The following LRRTM4 variants were observed in gnomAD, a reference collection of about 807,000 sequenced individuals.
The protein encoded by LRRTM4 is leucine rich repeat transmembrane neuronal 4.
Under a neutral mutation model 47.6 loss-of-function variants are expected in LRRTM4, and 25 were observed. The observed-to-expected ratio is 0.53, with a 90% confidence interval of 0.38 to 0.73. The LOEUF is 0.73. LRRTM4 is among the 30% of genes least tolerant of loss of function. The pLI, the probability that LRRTM4 is intolerant of heterozygous loss-of-function variation, is 0.00. For missense variants in LRRTM4, 638 were observed against 713.4 expected (o/e 0.89, Z 1.20); for synonymous variants, 311 against 269.5 (o/e 1.15, Z -1.51).
At chr2:77,180,622 T>C (rs1421637731) in intron 3 of LRRTM4, among the ~76,000 whole-genome samples, 1 of 152,188 alleles carries the variant, frequency 6.6e-6, no homozygotes, top group Admixed American at 6.6e-5. Context: ...TTAGAGAGTT[T>C]GTGTAAAATC....
At chr2:77,166,788 C>T (rs990987688) in intron 3 of LRRTM4, among the ~76,000 whole-genome samples, 1 of 152,076 alleles carries the variant, frequency 6.6e-6, no homozygotes, top group Non-Finnish European at 1.5e-5. Flanking sequence ...TTCCTTACAC[C>T]TTATACAAAA....
At chr2:76,790,669 A>G (rs1674923873) in intron 3 of LRRTM4, among the ~76,000 whole-genome samples, 1 of 152,134 alleles carries the variant, frequency 6.6e-6, no homozygotes, top group African/African-American at 2.4e-5. Flanking sequence ...TTTGGGGAAC[A>G]GTATCTTGTA....
intron 3 of LRRTM4, chr2:77,518,000 A>T: frequency 9.4e-7 from 1 of 1,066,544 alleles, no homozygotes; most frequent in Non-Finnish European, 1.1e-6. Context: ...TTCAGAATGA[A>T]AAGAGTTTTG....
chr2:77,144,496 G>T (rs72911869), intron 3 of LRRTM4, among the ~76,000 whole-genome samples: 1 of 151,942 alleles, frequency 6.6e-6, no homozygotes, highest in African/African-American at 2.4e-5. Flanking sequence ...GGAAACAGAA[G>T]CAGCTATGAA....
chr2:77,060,354 G>T (rs530647587), intron 3 of LRRTM4, among the ~76,000 whole-genome samples: 1 of 152,006 alleles, frequency 6.6e-6, no homozygotes, highest in East Asian at 1.9e-4. Context: ...AGATGCTATT[G>T]GCTTTATTGA....
intron 3 of LRRTM4, among the ~76,000 whole-genome samples, chr2:77,193,203 T>C (rs1239463621): frequency 1.3e-5 from 2 of 152,220 alleles, no homozygotes; most frequent in Non-Finnish European, 1.5e-5. Context: ...ATAGGAGCAA[T>C]AGGCTAGACC....
intron 3 of LRRTM4, among the ~76,000 whole-genome samples, chr2:76,944,149 A>T (rs58857453): frequency 0.053 from 8,000 of 152,072 alleles, 480 homozygotes; most frequent in East Asian, 0.14. Context: ...TATTCTGGAT[A>T]TTCGAGTCAC....
intron 3 of LRRTM4, among the ~76,000 whole-genome samples, chr2:76,967,117 C>T (rs62170355): frequency 0.012 from 1,741 of 150,058 alleles, 16 homozygotes; most frequent in Middle Eastern, 0.032. Flanking sequence ...CCTGTTATGC[C>T]TTATTATGTT....
chr2:77,005,440 G>T (rs1677606640), intron 3 of LRRTM4, among the ~76,000 whole-genome samples: 7 of 152,148 alleles, frequency 4.6e-5, no homozygotes, highest in Admixed American at 3.9e-4. Context: ...ACCGTGCCTG[G>T]CTGATTGTGT....
chr2:76,977,810 T>C (rs1676468660), intron 3 of LRRTM4, among the ~76,000 whole-genome samples: 1 of 152,018 alleles, frequency 6.6e-6, no homozygotes, highest in African/African-American at 2.4e-5. Flanking sequence ...TTCGTTGTCG[T>C]TGTTGTTCAA....
At chr2:77,508,825 ATTC>A (rs1416955811) in intron 3 of LRRTM4, among the ~76,000 whole-genome samples, 1 of 152,162 alleles carries the variant, frequency 6.6e-6, no homozygotes, top group Non-Finnish European at 1.5e-5. Context: ...AGCAATATCA[ATTC>A]TTCTTTAAAT....
rs78022410 is a variant in LRRTM4, at chr2:76,949,034, C to T, written c.1552-200118G>A. On this transcript the variant is annotated intron_variant, in intron 3 of 3. Coordinates refer to ENST00000409884, the MANE Select transcript of LRRTM4 (RefSeq NM_001134745.3). The stretch of plus-strand genomic sequence containing the variant: ...AGATTTAATTCCCTAGTGAATATTC[C>T]GTATTTGCACCAAAATCCATACTCT... 7.4e-3 allele frequency among the ~76,000 whole-genome samples: 1,128 copies of T among 151,718 alleles called. 16 individuals carry two copies. Among genetic ancestry groups the T allele is most frequent in the African/African-American group, 0.026 (1,094 of 41,440 alleles).
intron 3 of LRRTM4, among the ~76,000 whole-genome samples, chr2:77,218,345 T>G (rs1674516592): frequency 6.6e-6 from 1 of 152,190 alleles, no homozygotes; most frequent in South Asian, 2.1e-4. Flanking sequence ...TTGAGTTATT[T>G]TGGTTATGTT....
At chr2:77,399,054 T>A (rs1464124968) in intron 3 of LRRTM4, among the ~76,000 whole-genome samples, 2 of 151,732 alleles carry the variant, frequency 1.3e-5, no homozygotes, top group Non-Finnish European at 2.9e-5. Flanking sequence ...GGCCTTTATG[T>A]AAGTCCCCTC....
intron 3 of LRRTM4, among the ~76,000 whole-genome samples, chr2:77,079,334 T>C (rs1410054323): frequency 1.3e-5 from 2 of 152,192 alleles, no homozygotes; most frequent in African/African-American, 4.8e-5. Flanking sequence ...CCAGTGGCTA[T>C]TTTTGTAAAT....
chr2:76,778,051 C>G (rs1415823623), intron 3 of LRRTM4, among the ~76,000 whole-genome samples: 1 of 148,446 alleles, frequency 6.7e-6, no homozygotes, highest in Non-Finnish European at 1.5e-5. Flanking sequence ...TGTTTATATG[C>G]TGGATTACAT....
intron 3 of LRRTM4, among the ~76,000 whole-genome samples, chr2:76,954,756 A>G (rs1156531542): frequency 1.3e-5 from 2 of 151,474 alleles, no homozygotes. Flanking sequence ...AAAATTATCA[A>G]AATTAAATAA....
At chr2:77,147,734 G>A (rs1310118504) in intron 3 of LRRTM4, among the ~76,000 whole-genome samples, 1 of 152,128 alleles carries the variant, frequency 6.6e-6, no homozygotes, top group African/African-American at 2.4e-5. Context: ...ATTCAAAAAT[G>A]TAAACTGAGA....
intron 3 of LRRTM4, among the ~76,000 whole-genome samples, chr2:76,868,950 G>C (rs1433639142): frequency 6.6e-6 from 1 of 152,026 alleles, no homozygotes; most frequent in Non-Finnish European, 1.5e-5. Flanking sequence ...TACTTAACAC[G>C]ATAGCATGTC....
Sources: allele counts gnomAD v4.1 joint callset (sites outside exome capture counted in the v4.1 genomes callset), GRCh38; gene constraint gnomAD v4.1.1; transcripts MANE v1.5; gene names NCBI Gene and HGNC (gene_info 2026-07-23, HGNC 2026-07-21).